VPS35L: variants seen among roughly 807,000 people sequenced by gnomAD.
The protein encoded by VPS35L is VPS35 endosomal protein sorting factor like.
In VPS35L, 83 loss-of-function variants were observed where a neutral mutation model predicts 133.0. The observed-to-expected ratio is 0.62, with a 90% CI of 0.52 to 0.75. The LOEUF is 0.75. Among genes scored for constraint, VPS35L ranks in the 30% least tolerant of loss-of-function variants. The pLI, the probability that VPS35L is intolerant of heterozygous loss-of-function variation, is 0.00. For synonymous variants in VPS35L, 423 were observed against 449.9 expected, an observed-to-expected ratio of 0.94 and a Z score of 0.76; for missense variants, 1,083 against 1,206.8, an observed-to-expected ratio of 0.90 and a Z score of 1.52.
In VPS35L at chr16:19,608,441, CCCTTGGA is replaced by C. The variant is rs897784834; in HGVS notation, c.881+169_881+175del. On this transcript the variant is annotated intron_variant, in intron 10 of 30. Transcript: ENST00000417362. ...TACAGGGCAAGCCACATTGTAGAAACCCTTGGACTCTTGCTCTTTCCAGTTTTTTGTC... is the reference window on the plus strand; with the variant it reads ...TACAGGGCAAGCCACATTGTAGAAACCTCTTGCTCTTTCCAGTTTTTTGTC... 126 of 585,964 alleles carry C rather than the reference CCCTTGGA, an allele frequency of 2.2e-4. No individual in the cohort carries two copies. In the African/African-American group the frequency reaches 2.2e-3, roughly 10 times the overall value. 36.3% of individuals were successfully genotyped at this position (585,964 alleles called of 1,614,324 possible). A position where few individuals can be genotyped will look rare whatever the true frequency, so the allele number is the denominator to read the frequency against.
chr16:19,612,825 C>T (rs556210626), intron 12 of VPS35L, among the ~76,000 whole-genome samples: 4 of 152,172 alleles, frequency 2.6e-5, no homozygotes, highest in South Asian at 4.1e-4. Flanking sequence ...ATATAAAGTG[C>T]CTTTGAATGG....
intron 3 of VPS35L, among the ~76,000 whole-genome samples, chr16:19,570,874 TATATATA>T (rs1971354078): frequency 7.9e-5 from 7 of 88,212 alleles, no homozygotes; most frequent in African/African-American, 3.6e-4. Context: ...TATATATATA[TATATATA>T]TATATATATT....
intron 5 of VPS35L, among the ~76,000 whole-genome samples, chr16:19,575,836 C>T (rs1251254933): frequency 6.8e-6 from 1 of 147,060 alleles, no homozygotes; most frequent in African/African-American, 2.5e-5. Context: ...GCCTGGGCAA[C>T]AAGAGTGAAA....
At chr16:19,603,385 C>T (rs1371248806) in intron 9 of VPS35L, among the ~76,000 whole-genome samples, 1 of 152,098 alleles carries the variant, frequency 6.6e-6, no homozygotes, top group African/African-American at 2.4e-5. Context: ...AAAAAGACAC[C>T]GGATTTCAAA....
At chr16:19,578,951 G>C (rs1268832863) in intron 5 of VPS35L, 101 bp from the exon 6 acceptor site, 3 of 934,220 alleles carry the variant, frequency 3.2e-6, no homozygotes, top group Admixed American at 2.0e-5. Context: ...TCATTCCCTT[G>C]TGTCTTTATT....
At chr16:19,561,484 T>A (rs1971027755) in intron 1 of VPS35L, among the ~76,000 whole-genome samples, 1 of 152,212 alleles carries the variant, frequency 6.6e-6, no homozygotes, top group Non-Finnish European at 1.5e-5. Flanking sequence ...TGAAATGACA[T>A]GGGAGCTCAA....
intron 11 of VPS35L, among the ~76,000 whole-genome samples, chr16:19,609,258 T>A (rs1399073036): frequency 6.6e-6 from 1 of 151,964 alleles, no homozygotes; most frequent in Non-Finnish European, 1.5e-5. Flanking sequence ...GTTAAGGAGG[T>A]CATGGAAGAT....
intron 11 of VPS35L, among the ~76,000 whole-genome samples, chr16:19,609,938 A>T (rs988739542): frequency 6.6e-6 from 1 of 152,196 alleles, no homozygotes; most frequent in African/African-American, 2.4e-5. Context: ...GGAACAGGGT[A>T]CGGGACAGTA....
chr16:19,676,457 T>G (rs1041776603), intron 27 of VPS35L, among the ~76,000 whole-genome samples: 8 of 152,238 alleles, frequency 5.3e-5, no homozygotes, highest in Admixed American at 4.6e-4. Context: ...GACTAGTTTG[T>G]GGAATAATCT....
intron 3 of VPS35L, among the ~76,000 whole-genome samples, chr16:19,570,866 TATATATATATATA>T (rs1971349620): frequency 2.3e-5 from 2 of 88,078 alleles, no homozygotes; most frequent in African/African-American, 1.2e-4. Context: ...TATATATATA[TATATATATATATA>T]TATATATATA....
In VPS35L at chr16:19,619,973, G is replaced by A. The variant is rs141510249; in HGVS notation, c.1224+3165G>A. Among the ~76,000 whole-genome samples the A allele has an allele frequency of 2.2e-3, 336 of 152,202 alleles. No individual in the cohort carries two copies. The Middle Eastern group carries it at 0.024, about 11-fold the overall frequency. On this transcript the variant is annotated intron_variant, in intron 14 of 30. Coordinates refer to ENST00000417362, the MANE Select transcript of VPS35L (RefSeq NM_020314.7). ...TTCAAAATAGGGGATGGTAAAGTTC[G>A]GCTGCAGCAATTGGTAATATACAGG...
At chr16:19,608,064 AG>A in intron 9 of VPS35L, 113 bp from the exon 10 acceptor site, 1 of 732,210 alleles carries the variant, frequency 1.4e-6, no homozygotes, top group African/African-American at 1.8e-5. Flanking sequence ...TTGGAAGGAA[AG>A]AAACAGGCTG....
At chr16:19,681,037 G>T (rs980432110) in intron 27 of VPS35L, among the ~76,000 whole-genome samples, 1 of 152,108 alleles carries the variant, frequency 6.6e-6, no homozygotes, top group Non-Finnish European at 1.5e-5. Context: ...GGCTACCAAG[G>T]AGCCGTCTGG....
intron 26 of VPS35L, among the ~76,000 whole-genome samples, chr16:19,662,538 C>T (rs984540262): frequency 5.9e-5 from 9 of 152,236 alleles, no homozygotes; most frequent in Non-Finnish European, 8.8e-5. Context: ...ACAAAGGTCT[C>T]GAGTAAACAC....
At chr16:19,575,810 C>T (rs1333132259) in intron 5 of VPS35L, among the ~76,000 whole-genome samples, 2 of 149,510 alleles carry the variant, frequency 1.3e-5, no homozygotes, top group Non-Finnish European at 3.0e-5. Context: ...TTGCAGTGAG[C>T]CAAGATTGCA....
At chr16:19,577,728 G>A (rs1971581107) in intron 5 of VPS35L, among the ~76,000 whole-genome samples, 2 of 152,032 alleles carry the variant, frequency 1.3e-5, no homozygotes, top group Admixed American at 1.3e-4. Context: ...TCATGAGGGT[G>A]GAACCCTCAT....
intron 6 of VPS35L, among the ~76,000 whole-genome samples, chr16:19,580,971 C>A (rs1971690459): frequency 6.6e-6 from 1 of 152,080 alleles, no homozygotes; most frequent in African/African-American, 2.4e-5. Context: ...TCAATGGGCA[C>A]CTCAGATCCA....
rs779927112 is a variant in VPS35L, at chr16:19,578,590, G to A, written c.434-462G>A. 24 of 337,966 alleles carry A rather than the reference G, an allele frequency of 7.1e-5. No homozygotes were observed. In the East Asian group the frequency reaches 1.8e-3, roughly 25 times the overall value. The allele number at this position is 337,966 out of a possible 1,614,324, so 20.9% of individuals were successfully genotyped here. A position where few individuals can be genotyped will look rare whatever the true frequency, so the allele number is the denominator to read the frequency against. ...GAGGCACAGCTAGTCCTGTTTGCTCGAAGAGAGGGCTTTGAAGCCCTAGTG... is the reference window on the plus strand; with the variant it reads ...GAGGCACAGCTAGTCCTGTTTGCTCAAAGAGAGGGCTTTGAAGCCCTAGTG... On this transcript the variant is annotated intron_variant, in intron 5 of 30. Coordinates refer to ENST00000417362, the MANE Select transcript of VPS35L (RefSeq NM_020314.7).
chr16:19,568,069 T>C (rs1357368483), intron 2 of VPS35L, among the ~76,000 whole-genome samples: 1 of 152,144 alleles, frequency 6.6e-6, no homozygotes, highest in African/African-American at 2.4e-5. Context: ...TAATTTGCTA[T>C]AGTGGCTCAC....
Sources: gnomAD v4.1 joint callset for allele counts (sites outside exome capture counted in the v4.1 genomes callset) on GRCh38, gnomAD v4.1.1 for gene constraint, MANE v1.5 for transcripts, NCBI Gene and HGNC (gene_info 2026-07-23, HGNC 2026-07-21) for gene names.